The following SGCD variants were observed in gnomAD, a reference collection of about 807,000 sequenced individuals.
SGCD encodes delta-sarcoglycan.
A neutral mutation model predicts 36.6 loss-of-function variants in SGCD; 18 were observed. The observed-to-expected ratio is 0.49, with a 90% CI of 0.34 to 0.73. The LOEUF (loss-of-function observed/expected upper bound fraction) is 0.73. SGCD is among the 30% of genes least tolerant of loss of function. The pLI is 0.01. For missense variants in SGCD, 387 were observed against 346.7 expected, an observed-to-expected ratio of 1.12 and a Z score of -0.92; for synonymous variants, 133 against 130.6, an observed-to-expected ratio of 1.02 and a Z score of -0.12.
At chr5:156,455,519 C>T (rs116525530) in intron 3 of SGCD, among the ~76,000 whole-genome samples, 1,866 of 151,788 alleles carry the variant, frequency 0.012, 27 homozygotes, top group African/African-American at 0.036. Flanking sequence ...CTCTCCTTCC[C>T]TTGGCCCCTG....
At chr5:156,581,918 A>G (rs1348294228) in intron 4 of SGCD, among the ~76,000 whole-genome samples, 1 of 151,960 alleles carries the variant, frequency 6.6e-6, no homozygotes, top group Non-Finnish European at 1.5e-5. Context: ...CTCACCCTCC[A>G]TAGGCTGCAC....
Position 156,156,565 on chromosome 5 carries a change from A to C in SGCD, c.-44+32546A>C, listed in dbSNP as rs769227697. On this transcript the variant is annotated intron_variant, in intron 3 of 9. Transcript: ENST00000517913. ...CTTGAGCTAGGGAGACGGAGGTTGT[A>C]GTGAGCCAAGATCGCGCCACTGCAC... 5.1e-4 allele frequency among the ~76,000 whole-genome samples: 78 copies of C among 151,588 alleles called. 1 individual carries two copies. The highest frequency in any genetic ancestry group is 1.8e-3 in the Admixed American group (28 of 15,266).
intron 3 of SGCD, among the ~76,000 whole-genome samples, chr5:156,496,835 C>T (rs1172208597): frequency 1.3e-5 from 2 of 152,040 alleles, no homozygotes; most frequent in African/African-American, 2.4e-5. Context: ...TCATCTGTAT[C>T]CCTGAGTGAC....
At chr5:155,930,954 T>C (rs2113390925) in intron 1 of SGCD, among the ~76,000 whole-genome samples, 1 of 152,316 alleles carries the variant, frequency 6.6e-6, no homozygotes, top group African/African-American at 2.4e-5. Context: ...CCTCATATAA[T>C]CTTGTTTTGA....
chr5:156,166,370 G>A lies in SGCD; in HGVS notation c.-44+42351G>A, dbSNP rs143817435. ...CTCGCTCTGTCACCCAGGCTGGAGC[G>A]CAGTAGCACAATCTTGGCTTACTGC... On this transcript the variant is annotated intron_variant, in intron 3 of 9. Coordinates refer to the SGCD transcript ENST00000517913. Among the ~76,000 whole-genome samples, 540 of 151,980 alleles carry A rather than the reference G, an allele frequency of 3.6e-3. 2 individuals are homozygous for A. The highest frequency in any genetic ancestry group is 5.3e-3 in the Non-Finnish European group (359 of 67,980).
At chr5:156,040,392 T>C (rs778582008) in intron 1 of SGCD, among the ~76,000 whole-genome samples, 1 of 152,216 alleles carries the variant, frequency 6.6e-6, no homozygotes, top group African/African-American at 2.4e-5. Context: ...TCCCACAAAT[T>C]GTGTAAGCTT....
At chr5:156,463,376 C>G (rs1754574869) in intron 3 of SGCD, among the ~76,000 whole-genome samples, 1 of 151,998 alleles carries the variant, frequency 6.6e-6, no homozygotes. Flanking sequence ...TTGACTTTTC[C>G]CAAAGAAATC....
intron 3 of SGCD, among the ~76,000 whole-genome samples, chr5:156,172,331 G>C (rs1763364818): frequency 1.3e-5 from 2 of 152,094 alleles, no homozygotes; most frequent in Admixed American, 6.6e-5. Context: ...AAAATCAGTA[G>C]CTGGTGATGA....
intron 4 of SGCD, among the ~76,000 whole-genome samples, chr5:156,581,219 C>A (rs530345395): frequency 2.6e-5 from 4 of 152,316 alleles, no homozygotes; most frequent in Non-Finnish European, 4.4e-5. Context: ...GCCTGAGTAT[C>A]GCCAGCGGAG....
At chr5:155,826,943 G>A in the SGCD span, among the ~76,000 whole-genome samples, 34 of 152,278 alleles carry the variant, frequency 2.2e-4, no homozygotes, top group Admixed American at 4.6e-4. Context: ...TGCTCTATAC[G>A]TGCTCAGGAA....
chr5:155,937,011 G>T lies in SGCD; in HGVS notation c.-282+66587G>T, dbSNP rs370222755. ...AGATTAGAGCGAGTGCCAGGGAGTG[G>T]GGGGAGAGACCAGACAGGGGTAGCA... On this transcript the variant is annotated intron_variant, in intron 1 of 9. Transcript: ENST00000517913. Among the ~76,000 whole-genome samples, 458 of 152,310 alleles carry T rather than the reference G, an allele frequency of 3.0e-3. 1 individual carries two copies. The highest frequency in any genetic ancestry group is 0.011 in the African/African-American group (441 of 41,576).
chr5:155,915,466 G>A (rs561887202), intron 1 of SGCD, among the ~76,000 whole-genome samples: 1 of 152,164 alleles, frequency 6.6e-6, no homozygotes, highest in South Asian at 2.1e-4. Context: ...TAGACATAGG[G>A]CCTAGAAGAA....
At chr5:156,353,425 C>T (rs1318359892) in intron 3 of SGCD, among the ~76,000 whole-genome samples, 2 of 152,108 alleles carry the variant, frequency 1.3e-5, no homozygotes, top group Admixed American at 1.3e-4. Context: ...GTATCAACTA[C>T]CTGCTACATT....
At chr5:156,723,284 T>G (rs1323102876) in intron 7 of SGCD, among the ~76,000 whole-genome samples, 1 of 152,230 alleles carries the variant, frequency 6.6e-6, no homozygotes, top group African/African-American at 2.4e-5. Flanking sequence ...CCTGAACATC[T>G]TTCCTCTGTC....
At chr5:156,633,154 T>A (rs756130849) in intron 6 of SGCD, among the ~76,000 whole-genome samples, 3 of 152,160 alleles carry the variant, frequency 2.0e-5, no homozygotes, top group Non-Finnish European at 2.9e-5. Context: ...AAACCTATGT[T>A]TGGAAGTTAA....
the SGCD span, among the ~76,000 whole-genome samples, chr5:155,772,288 C>T: frequency 1.3e-5 from 2 of 152,156 alleles, no homozygotes; most frequent in East Asian, 1.9e-4. Context: ...TTAGAGAAAA[C>T]AGTTATTTAG....
chr5:156,766,729 A>G lies in SGCD; in HGVS notation c.*7339A>G, dbSNP rs1757596716. The G allele has an allele frequency of 6.6e-6, 1 of 151,816 alleles. No individual in the cohort carries two copies. Among genetic ancestry groups the G allele is most frequent in the Non-Finnish European group, 1.5e-5 (1 of 67,992 alleles). The allele number at this position is 151,816 out of a possible 1,614,324, so 9.4% of individuals were successfully genotyped here. A position where few individuals can be genotyped will look rare whatever the true frequency, so the allele number is the denominator to read the frequency against. On this transcript the variant is annotated 3_prime_UTR_variant, in exon 9 of 9. Coordinates refer to ENST00000337851, the MANE Select transcript of SGCD (RefSeq NM_000337.6). Reference sequence around the variant, plus strand: ...TTTGATCTGTAAGAGTTAAAAAGACAAAGTCATTTTGAAGAATTAACTCAG... The same window carrying G: ...TTTGATCTGTAAGAGTTAAAAAGACGAAGTCATTTTGAAGAATTAACTCAG...
At chr5:155,847,229 T>C in the SGCD span, among the ~76,000 whole-genome samples, 2 of 152,200 alleles carry the variant, frequency 1.3e-5, no homozygotes, top group Admixed American at 1.3e-4. Flanking sequence ...GAATTTTGGG[T>C]ATACTCACTA....
intron 3 of SGCD, among the ~76,000 whole-genome samples, chr5:156,506,620 C>T (rs1756709598): frequency 6.6e-6 from 1 of 151,762 alleles, no homozygotes; most frequent in African/African-American, 2.4e-5. Context: ...GTGCAGCAGT[C>T]AACTGGAAAA....
Sources: gnomAD v4.1 joint callset for allele counts (sites outside exome capture counted in the v4.1 genomes callset) on GRCh38, gnomAD v4.1.1 for gene constraint, MANE v1.5 for transcripts, NCBI Gene and HGNC (gene_info 2026-07-23, HGNC 2026-07-21) for gene names.